DGKB: variants seen among roughly 807,000 people sequenced by gnomAD.
DGKB encodes diacylglycerol kinase beta.
DGKB carries 67 observed loss-of-function variants against 114.3 expected under a neutral mutation model. The ratio of observed to expected loss-of-function variants is 0.59; its 90% CI spans 0.48 to 0.72. The LOEUF (loss-of-function observed/expected upper bound fraction) is 0.72, where lower values mean the gene tolerates loss of function less well. DGKB is among the 30% of genes least tolerant of loss of function. The pLI is 0.00. For missense variants in DGKB, 907 were observed against 975.2 expected (o/e 0.93, Z 0.93); for synonymous variants, 398 against 323.1 (o/e 1.23, Z -2.49).
intron 21 of DGKB, among the ~76,000 whole-genome samples, chr7:14,368,881 T>TGAAAGA (rs1457425261): frequency 6.6e-6 from 1 of 152,034 alleles, no homozygotes; most frequent in African/African-American, 2.4e-5. Context: ...CCGATTTCTG[T>TGAAAGA]GAAAGAGAAA....
intron 1 of DGKB, among the ~76,000 whole-genome samples, chr7:14,954,268 C>G (rs1002848950): frequency 1.3e-5 from 2 of 151,840 alleles, no homozygotes; most frequent in African/African-American, 4.8e-5. Context: ...TGGTGCTGAC[C>G]GTTAAGAACA....
rs1347860463 is a variant in DGKB at position 14,736,294 on chromosome 7, AT to A, written c.169-101del. On this transcript the variant is annotated intron_variant, in intron 4 of 25. Coordinates refer to ENST00000402815, the MANE Select transcript of DGKB (RefSeq NM_001350709.2). ...TTAGAAGTAGAAATGACCTCAAACC[AT>A]TTTTATATCCAAGTTTAACAAATGG... is the stretch of plus-strand genomic sequence containing the variant. The A allele has an allele frequency of 1.2e-5, 8 of 692,642 alleles. No homozygotes were observed. In the East Asian group the frequency reaches 2.1e-4, roughly 18 times the overall value. The allele number at this position is 692,642 out of a possible 1,614,324, so 42.9% of individuals were successfully genotyped here.
intron 1 of DGKB, among the ~76,000 whole-genome samples, chr7:14,968,404 G>T (rs545926476): frequency 4.3e-4 from 66 of 152,086 alleles, no homozygotes; most frequent in African/African-American, 1.5e-3. Flanking sequence ...ACATATTTGT[G>T]GCTCCTTTAA....
chr7:14,516,401 C>T (rs1455583260), intron 20 of DGKB, among the ~76,000 whole-genome samples: 1 of 152,170 alleles, frequency 6.6e-6, no homozygotes, highest in Non-Finnish European at 1.5e-5. Flanking sequence ...GTTCAATGTA[C>T]TTTCCAAAAT....
At chr7:14,563,103 C>A (rs1796909903) in intron 20 of DGKB, among the ~76,000 whole-genome samples, 1 of 152,136 alleles carries the variant, frequency 6.6e-6, no homozygotes, top group African/African-American at 2.4e-5. Flanking sequence ...AAGGGGAATT[C>A]TGCTGTACAC....
chr7:14,331,362 T>C (rs1350678510), intron 23 of DGKB, among the ~76,000 whole-genome samples: 1 of 151,998 alleles, frequency 6.6e-6, no homozygotes, highest in Non-Finnish European at 1.5e-5. Flanking sequence ...ATTTAATCAC[T>C]GAAATTAAAT....
chr7:14,361,176 C>A (rs1815666240), intron 21 of DGKB, among the ~76,000 whole-genome samples: 1 of 151,978 alleles, frequency 6.6e-6, no homozygotes, highest in Non-Finnish European at 1.5e-5. Context: ...TTTTCCAATT[C>A]TGTAACAAGA....
chr7:14,799,307 T>C (rs1841829549), intron 2 of DGKB, among the ~76,000 whole-genome samples: 1 of 152,192 alleles, frequency 6.6e-6, no homozygotes, highest in African/African-American at 2.4e-5. Context: ...ACCTCAGGGA[T>C]AGATAAATTC....
chr7:14,501,911 C>G (rs748221168), intron 20 of DGKB, among the ~76,000 whole-genome samples: 1 of 151,854 alleles, frequency 6.6e-6, no homozygotes, highest in Non-Finnish European at 1.5e-5. Flanking sequence ...GTCTGGACTT[C>G]GAACAAATAC....
intron 2 of DGKB, among the ~76,000 whole-genome samples, chr7:14,792,630 CA>C (rs997285401): frequency 6.6e-6 from 1 of 151,940 alleles, no homozygotes; most frequent in African/African-American, 2.4e-5. Flanking sequence ...AACACTAAAC[CA>C]AACAAAAAAA....
chr7:14,810,496 AT>A (rs1228840892), intron 2 of DGKB, among the ~76,000 whole-genome samples: 10 of 152,220 alleles, frequency 6.6e-5, no homozygotes, highest in Non-Finnish European at 1.5e-4. Context: ...CATAATATTA[AT>A]TTTAATAATT....
At chr7:14,315,200 G>A (rs976010108) in intron 23 of DGKB, among the ~76,000 whole-genome samples, 25 of 144,472 alleles carry the variant, frequency 1.7e-4, no homozygotes, top group African/African-American at 5.3e-4. Flanking sequence ...AAAGACCGTC[G>A]AGACTAGGAA....
At chr7:14,431,713 C>T (rs1828475106) in intron 21 of DGKB, among the ~76,000 whole-genome samples, 1 of 152,012 alleles carries the variant, frequency 6.6e-6, no homozygotes, top group South Asian at 2.1e-4. Context: ...TAGTTTTGCA[C>T]TTAATCCAAT....
At chr7:14,773,010 T>C (rs562051173) in intron 2 of DGKB, among the ~76,000 whole-genome samples, 1 of 152,316 alleles carries the variant, frequency 6.6e-6, no homozygotes, top group South Asian at 2.1e-4. Flanking sequence ...ATGCCTTGTC[T>C]CCTATGTTGC....
chr7:14,922,158 G>T (rs1461360036), intron 1 of DGKB, among the ~76,000 whole-genome samples: 1 of 151,956 alleles, frequency 6.6e-6, no homozygotes, highest in Non-Finnish European at 1.5e-5. Context: ...GGAAAGAAAA[G>T]CAAGATGGAA....
chr7:14,647,138 T>C (rs1813196494), intron 13 of DGKB, among the ~76,000 whole-genome samples: 1 of 152,004 alleles, frequency 6.6e-6, no homozygotes, highest in African/African-American at 2.4e-5. Context: ...TTACAACTGA[T>C]ACCACATAAA....
At chr7:14,723,354 C>G (rs556837736) in intron 5 of DGKB, among the ~76,000 whole-genome samples, 17 of 152,072 alleles carry the variant, frequency 1.1e-4, no homozygotes, top group African/African-American at 3.6e-4. Context: ...GTGAAATTCT[C>G]TCTTTACAAC....
intron 20 of DGKB, among the ~76,000 whole-genome samples, chr7:14,568,045 T>C (rs1797857302): frequency 6.6e-6 from 1 of 152,200 alleles, no homozygotes; most frequent in African/African-American, 2.4e-5. Flanking sequence ...GTTTTATTCC[T>C]GGGATATTTA....
chr7:14,643,749 C>T (rs568283164), intron 13 of DGKB, among the ~76,000 whole-genome samples: 1 of 152,160 alleles, frequency 6.6e-6, no homozygotes, highest in Non-Finnish European at 1.5e-5. Flanking sequence ...GCAGTGGGGC[C>T]ACCACATGTC....
Sources: allele counts gnomAD v4.1 joint callset (sites outside exome capture counted in the v4.1 genomes callset), GRCh38; gene constraint gnomAD v4.1.1; transcripts MANE v1.5; gene names NCBI Gene and HGNC (gene_info 2026-07-23, HGNC 2026-07-21).